The following CSMD1 variants were observed in gnomAD, a reference collection of about 807,000 sequenced individuals.
CSMD1 encodes CUB and sushi domain-containing protein 1.
CSMD1 carries 213 observed loss-of-function variants against 417.5 expected under a neutral mutation model. The ratio of observed to expected loss-of-function variants is 0.51; its 90% CI spans 0.46 to 0.57. The LOEUF is 0.57. Ranked by LOEUF, CSMD1 falls within the 20% of genes least tolerant of loss-of-function variation. CSMD1 has a pLI of 0.00. For missense variants in CSMD1, 6,923 were observed against 4,529.7 expected (o/e 1.53, Z -15.17); for synonymous variants, 2,862 against 1,736.8 (o/e 1.65, Z -16.11).
At chr8:3,321,238 G>A (rs923148828) in intron 23 of CSMD1, among the ~76,000 whole-genome samples, 1 of 152,092 alleles carries the variant, frequency 6.6e-6, no homozygotes, top group Admixed American at 6.5e-5. Context: ...GCTGACTAAC[G>A]GGTCGCCAAG....
At chr8:3,411,447 C>G (rs1353648924) in intron 12 of CSMD1, among the ~76,000 whole-genome samples, 1 of 151,850 alleles carries the variant, frequency 6.6e-6, no homozygotes, top group African/African-American at 2.4e-5. Context: ...TCATCCCCTT[C>G]ACACCCTTTC....
chr8:4,297,234 G>C (rs1386692545), intron 3 of CSMD1, among the ~76,000 whole-genome samples: 1 of 152,016 alleles, frequency 6.6e-6, no homozygotes, highest in Non-Finnish European at 1.5e-5. Context: ...CAAACATTTA[G>C]AAATAATTAA....
intron 2 of CSMD1, among the ~76,000 whole-genome samples, chr8:4,568,603 T>A (rs536646719): frequency 2.0e-5 from 3 of 152,164 alleles, no homozygotes; most frequent in Non-Finnish European, 4.4e-5. Context: ...ATCTTCATAA[T>A]AGAAAGATGT....
intron 5 of CSMD1, among the ~76,000 whole-genome samples, chr8:3,873,711 A>G (rs144406321): frequency 4.6e-5 from 7 of 152,338 alleles, no homozygotes; most frequent in Non-Finnish European, 8.8e-5. Context: ...TTAAAAATAA[A>G]TAAATAAATA....
At chr8:3,468,628 A>G in intron 12 of CSMD1, 84 bp downstream of exon 12, 1 of 763,770 alleles carries the variant, frequency 1.3e-6, no homozygotes, top group South Asian at 1.7e-5. Flanking sequence ...TGTTGATTTT[A>G]CTTCTACCTA....
chr8:4,963,667 T>A (rs975626409), intron 1 of CSMD1, among the ~76,000 whole-genome samples: 3 of 152,368 alleles, frequency 2.0e-5, no homozygotes, highest in East Asian at 1.9e-4. Context: ...TGAATTTGCG[T>A]TGAAATTCCT....
intron 36 of CSMD1, among the ~76,000 whole-genome samples, chr8:3,187,628 C>A (rs998556984): frequency 6.6e-6 from 1 of 152,154 alleles, no homozygotes; most frequent in African/African-American, 2.4e-5. Context: ...TGCCGCATGT[C>A]AAAGCTCTGC....
chr8:3,496,914 G>A (rs1015526165), intron 10 of CSMD1, among the ~76,000 whole-genome samples: 1 of 152,126 alleles, frequency 6.6e-6, no homozygotes. Flanking sequence ...TGGACACTCA[G>A]GAACATGTTT....
chr8:4,826,388 A>G (rs1799828148), intron 1 of CSMD1, among the ~76,000 whole-genome samples: 1 of 152,184 alleles, frequency 6.6e-6, no homozygotes, highest in African/African-American at 2.4e-5. Context: ...AATCCTGCAT[A>G]TGCAACAGCA....
At chr8:4,200,681 C>G (rs552104492) in intron 3 of CSMD1, among the ~76,000 whole-genome samples, 2 of 152,148 alleles carry the variant, frequency 1.3e-5, no homozygotes, top group East Asian at 3.9e-4. Flanking sequence ...GGTAGGAAGA[C>G]CGCACCTCTA....
At chr8:3,059,117 C>G (rs1418397626) in intron 49 of CSMD1, among the ~76,000 whole-genome samples, 2 of 151,734 alleles carry the variant, frequency 1.3e-5, no homozygotes, top group Non-Finnish European at 2.9e-5. Context: ...GGAGACGCTG[C>G]AAGTGCAAAT....
At chr8:4,324,414 G>T (rs1355514466) in intron 3 of CSMD1, among the ~76,000 whole-genome samples, 3 of 152,184 alleles carry the variant, frequency 2.0e-5, no homozygotes, top group Non-Finnish European at 4.4e-5. Context: ...CCTCACCCTG[G>T]CAGGAAAGCT....
chr8:3,539,585 G>C (rs533243610), intron 10 of CSMD1, among the ~76,000 whole-genome samples: 1 of 152,062 alleles, frequency 6.6e-6, no homozygotes, highest in African/African-American at 2.4e-5. Flanking sequence ...ACTTCGCCAA[G>C]AATTGAAGCG....
intron 6 of CSMD1, among the ~76,000 whole-genome samples, chr8:3,753,407 T>C (rs1797465579): frequency 6.6e-6 from 1 of 152,214 alleles, no homozygotes; most frequent in Non-Finnish European, 1.5e-5. Context: ...TACCAAGCTC[T>C]GTCCTAATGA....
At chr8:4,318,050 G>C (rs1208855881) in intron 3 of CSMD1, among the ~76,000 whole-genome samples, 3 of 152,086 alleles carry the variant, frequency 2.0e-5, no homozygotes, top group African/African-American at 7.2e-5. Context: ...AAAATTGTGC[G>C]TTCGTTTTTT....
chr8:4,910,491 G>C (rs192414117), intron 1 of CSMD1, among the ~76,000 whole-genome samples: 137 of 152,306 alleles, frequency 9.0e-4, no homozygotes, highest in Non-Finnish European at 1.7e-3. Flanking sequence ...CTGGTTTCTA[G>C]AAGGCACCTT....
intron 16 of CSMD1, among the ~76,000 whole-genome samples, chr8:3,397,133 A>T (rs1249711317): frequency 6.6e-6 from 1 of 152,050 alleles, no homozygotes; most frequent in East Asian, 1.9e-4. Context: ...GCACGGAGAT[A>T]ATTTTCTAAG....
intron 5 of CSMD1, among the ~76,000 whole-genome samples, chr8:3,995,784 T>G (rs887751248): frequency 6.6e-6 from 1 of 152,122 alleles, no homozygotes; most frequent in East Asian, 1.9e-4. Context: ...TACAACTCTA[T>G]CCCCGGCTAA....
At chr8:3,654,557 A>T (rs1798010184) in intron 7 of CSMD1, among the ~76,000 whole-genome samples, 1 of 152,184 alleles carries the variant, frequency 6.6e-6, no homozygotes, top group South Asian at 2.1e-4. Context: ...GATTATACGG[A>T]GAGTTTAGGA....
Sources: allele counts gnomAD v4.1 joint callset (sites outside exome capture counted in the v4.1 genomes callset), GRCh38; gene constraint gnomAD v4.1.1; transcripts MANE v1.5; gene names NCBI Gene and HGNC (gene_info 2026-07-23, HGNC 2026-07-21).